The following TNRC6B variants were observed in gnomAD, a reference collection of about 807,000 sequenced individuals.
TNRC6B encodes the protein trinucleotide repeat containing adaptor 6B.
A neutral mutation model predicts 203.6 loss-of-function variants in TNRC6B; 52 were observed. The observed-to-expected ratio is 0.26, with a 90% CI of 0.20 to 0.32. The LOEUF (loss-of-function observed/expected upper bound fraction) is 0.32, where lower values mean the gene tolerates loss of function less well. Ranked by LOEUF, TNRC6B falls within the 10% of genes least tolerant of loss-of-function variation. The pLI is 1.00. For missense variants in TNRC6B, 1,923 were observed against 2,286.2 expected, an observed-to-expected ratio of 0.84 and a Z score of 3.24; for synonymous variants, 838 against 845.7, an observed-to-expected ratio of 0.99 and a Z score of 0.16.
At chr22:40,062,978 A>G (rs1036478916) in intron 1 of TNRC6B, among the ~76,000 whole-genome samples, 14 of 151,596 alleles carry the variant, frequency 9.2e-5, no homozygotes, top group Admixed American at 5.9e-4. Flanking sequence ...TGCTTTTGGC[A>G]TATCTATGTA....
At chr22:40,137,312 T>G (rs1260892398) in intron 3 of TNRC6B, among the ~76,000 whole-genome samples, 1 of 152,228 alleles carries the variant, frequency 6.6e-6, no homozygotes, top group Non-Finnish European at 1.5e-5. Context: ...CCCATTTGTT[T>G]ACGTAGCTGG....
intron 3 of TNRC6B, among the ~76,000 whole-genome samples, chr22:40,143,379 G>A (rs917640553): frequency 2.0e-5 from 3 of 152,116 alleles, no homozygotes; most frequent in Non-Finnish European, 1.5e-5. Flanking sequence ...GCTGCAATGA[G>A]CTATGATCAC....
chr22:40,212,567 C>T (rs2069579448), intron 1 of TNRC6B, among the ~76,000 whole-genome samples: 2 of 152,358 alleles, frequency 1.3e-5, no homozygotes, highest in South Asian at 4.1e-4. Flanking sequence ...TACATACTTC[C>T]AGCATGCATA....
chr22:40,139,326 T>G (rs1034307241), intron 3 of TNRC6B, among the ~76,000 whole-genome samples: 18 of 53,062 alleles, frequency 3.4e-4, no homozygotes, highest in African/African-American at 1.1e-3. Flanking sequence ...GGTGTACGCA[T>G]TTTTTTTTTT....
chr22:40,198,928 T>C (rs901520511), intron 1 of TNRC6B, among the ~76,000 whole-genome samples: 1 of 152,072 alleles, frequency 6.6e-6, no homozygotes. Flanking sequence ...TCTTGGCTTC[T>C]ATATCCCATT....
At chr22:40,290,767 C>T (rs1239470617) in intron 12 of TNRC6B, among the ~76,000 whole-genome samples, 1 of 151,778 alleles carries the variant, frequency 6.6e-6, no homozygotes, top group Non-Finnish European at 1.5e-5. Flanking sequence ...CTGCTGTGTT[C>T]ACTGCTGGAG....
chr22:40,319,777 T>G (rs985072782), intron 21 of TNRC6B, among the ~76,000 whole-genome samples: 1 of 152,192 alleles, frequency 6.6e-6, no homozygotes, highest in Non-Finnish European at 1.5e-5. Context: ...AACTTTGTCT[T>G]AGGTATGTAT....
intron 3 of TNRC6B, among the ~76,000 whole-genome samples, chr22:40,153,812 T>G (rs914345907): frequency 6.6e-6 from 1 of 151,394 alleles, no homozygotes; most frequent in African/African-American, 2.4e-5. Flanking sequence ...GCCGGTAGTA[T>G]TAATGTTATT....
chr22:40,247,143 T>C (rs531178284), intron 2 of TNRC6B, among the ~76,000 whole-genome samples: 1 of 152,284 alleles, frequency 6.6e-6, no homozygotes, highest in East Asian at 1.9e-4. Flanking sequence ...TAACTTGGGC[T>C]CTGGCTCAGC....
chr22:40,315,478 G>C lies in TNRC6B; in HGVS notation c.4874G>C (p.Trp1625Ser), dbSNP rs758524698. Residue 1625 changes from tryptophan (W) to serine (S), a missense_variant, in exon 20 of 23, where the codon TGG becomes TCG. Trp to Ser is a radical substitution (Grantham distance 177). This residue lies in a region of TNRC6B where 159 missense variants were observed against 181.0 expected (regional missense o/e 0.88). Coordinates refer to ENST00000454349, the MANE Select transcript of TNRC6B (RefSeq NM_001162501.2). ...SSTAPRSVRG[W>S]GTQDSRLASA... is the part of the protein sequence containing the mutation. ...ACAGCACCCCGATCAGTCAGGGGGT[G>C]GGGGACACAGGACTCACGGCTCGCC... The C allele has an allele frequency of 1.2e-6, 2 of 1,614,000 alleles. No homozygotes were observed. Among genetic ancestry groups the C allele is most frequent in the Non-Finnish European group, 1.7e-6 (2 of 1,179,898 alleles).
Position 40,266,800 on chromosome 22 carries a change from G to A in TNRC6B, c.2570G>A (p.Ser857Asn), listed in dbSNP as rs1233341378. Residue 857 changes from serine to asparagine, a missense_variant, in exon 5 of 23, where the codon AGC (serine) becomes AAC (asparagine). This residue lies in a region of TNRC6B where 599 missense variants were observed against 656.5 expected (regional missense o/e 0.91). Transcript: ENST00000454349. ...GGCAACGTTCGACCTTCCAATTCCAGCTGGAGCAGCGGGCCACAGCCTGCA... is the reference window on the plus strand; with the variant it reads ...GGCAACGTTCGACCTTCCAATTCCAACTGGAGCAGCGGGCCACAGCCTGCA... Reference protein sequence around the residue: ...PPGNVRPSNSSWSSGPQPATP... With the variant: ...PPGNVRPSNSNWSSGPQPATP... The A allele has an allele frequency of 1.2e-6, 2 of 1,613,710 alleles. No homozygotes were observed. Among genetic ancestry groups the A allele is most frequent in the Non-Finnish European group, 1.7e-6 (2 of 1,179,704 alleles).
intron 1 of TNRC6B, among the ~76,000 whole-genome samples, chr22:40,243,462 A>C (rs994302339): frequency 1.3e-5 from 2 of 152,262 alleles, no homozygotes; most frequent in African/African-American, 4.8e-5. Flanking sequence ...ATTTACTTCT[A>C]TTGAGCATGA....
chr22:40,046,498 A>T (rs2039067218), intron 1 of TNRC6B, among the ~76,000 whole-genome samples: 1 of 152,050 alleles, frequency 6.6e-6, no homozygotes. Flanking sequence ...TATCCCAAAC[A>T]CCATTATTTG....
chr22:40,059,841 C>T (rs1283269942), intron 1 of TNRC6B, among the ~76,000 whole-genome samples: 24 of 146,806 alleles, frequency 1.6e-4, no homozygotes, highest in African/African-American at 6.1e-4. Flanking sequence ...TTTTTCCCCC[C>T]GAGACGGAGT....
At chr22:40,217,088 A>G (rs1601891978) in intron 1 of TNRC6B, among the ~76,000 whole-genome samples, 1 of 152,218 alleles carries the variant, frequency 6.6e-6, no homozygotes, top group East Asian at 1.9e-4. Context: ...GGCTAGGTGT[A>G]CCGTATATCC....
At chr22:40,215,573 A>G (rs373930650) in intron 1 of TNRC6B, among the ~76,000 whole-genome samples, 7 of 152,248 alleles carry the variant, frequency 4.6e-5, no homozygotes, top group East Asian at 1.9e-4. Context: ...AGTTTTCCCA[A>G]TACTTGGAGG....
chr22:40,250,030 A>G (rs1382267251), intron 2 of TNRC6B, among the ~76,000 whole-genome samples: 2 of 152,158 alleles, frequency 1.3e-5, no homozygotes, highest in African/African-American at 2.4e-5. Context: ...TCCAGGGATG[A>G]TTGTGTTTTT....
chr22:40,218,090 A>G (rs1256599627), intron 1 of TNRC6B, among the ~76,000 whole-genome samples: 5 of 152,026 alleles, frequency 3.3e-5, no homozygotes, highest in Non-Finnish European at 7.4e-5. Flanking sequence ...AATGGCTGAC[A>G]TTTCTTTATA....
In TNRC6B at chr22:40,327,782, G is replaced by C. The variant is rs1173038452; in HGVS notation, c.*4541G>C. ...CACACTCTGGCATAGATACAGGCTT[G>C]CTGGTCACCTCTCATTACATAGATT... is the stretch of plus-strand genomic sequence containing the variant. On this transcript the variant is annotated 3_prime_UTR_variant, in exon 23 of 23. Transcript: ENST00000454349. 1 of 152,032 alleles carries C rather than the reference G, an allele frequency of 6.6e-6. No homozygotes were observed. Among genetic ancestry groups the C allele is most frequent in the Admixed American group, 6.5e-5 (1 of 15,274 alleles). The allele number at this position is 152,032 out of a possible 1,614,324, so 9.4% of individuals were successfully genotyped here.
Sources: allele counts gnomAD v4.1 joint callset (sites outside exome capture counted in the v4.1 genomes callset), GRCh38; gene constraint gnomAD v4.1.1; regional missense constraint gnomAD v4.1.1; transcripts MANE v1.5; gene names NCBI Gene and HGNC (gene_info 2026-07-23, HGNC 2026-07-21).